Variants in PDZD2 observed in about 807,000 individuals in gnomAD.
The protein encoded by PDZD2 is PDZ domain containing 2.
In PDZD2, 90 loss-of-function variants were observed where a neutral mutation model predicts 220.7. That is an observed-to-expected ratio of 0.41 (90% CI 0.34 to 0.49). The LOEUF is 0.49. Ranked by LOEUF, PDZD2 falls within the 20% of genes least tolerant of loss-of-function variation. The pLI, the probability that PDZD2 is intolerant of heterozygous loss-of-function variation, is 0.28. For synonymous variants in PDZD2, 1,375 were observed against 1,450.5 expected (o/e 0.95, Z 1.18); for missense variants, 3,174 against 3,608.5 (o/e 0.88, Z 3.08).
intron 6 of PDZD2, among the ~76,000 whole-genome samples, chr5:32,017,741 T>C (rs1753886813): frequency 6.6e-6 from 1 of 152,228 alleles, no homozygotes; most frequent in Non-Finnish European, 1.5e-5. Context: ...ATTTAGGACT[T>C]GGTTTTTTAA....
intron 1 of PDZD2, among the ~76,000 whole-genome samples, chr5:31,670,325 T>C (rs903860208): frequency 6.6e-6 from 1 of 152,228 alleles, no homozygotes; most frequent in African/African-American, 2.4e-5. Context: ...CTTCCACAAA[T>C]ACTTTTGGTG....
chr5:32,098,087 G>A lies in PDZD2; in HGVS notation c.7948-277G>A, dbSNP rs997548695. On this transcript the variant is annotated intron_variant, in intron 22 of 24. Coordinates refer to ENST00000438447, the MANE Select transcript of PDZD2 (RefSeq NM_178140.4). The surrounding 1 kb of genome is among the most constrained non-coding windows in gnomAD (Gnocchi z 4.1). ...TGGCCAACATGGTGAAACCCTGTCC[G>A]TCTCTCCTAACAATACAAAAATTAA... Among the ~76,000 whole-genome samples the A allele has an allele frequency of 8.6e-5, 13 of 151,960 alleles. No homozygotes were observed. Among genetic ancestry groups the A allele is most frequent in the Admixed American group, 2.0e-4 (3 of 15,248 alleles).
rs151113779 is a variant in PDZD2 at position 31,662,936 on chromosome 5, C to T, written c.-361+23499C>T. 6.6e-3 allele frequency among the ~76,000 whole-genome samples: 998 copies of T among 152,244 alleles called. 13 individuals carry two copies. Among genetic ancestry groups the T allele is most frequent in the Middle Eastern group, 0.024 (7 of 294 alleles). Reference sequence around the variant, plus strand: ...TGAGCCACCTCACCTGGCCAAGGCCCCACCTTCTAATGCTATCACTATGGA... The same window carrying T: ...TGAGCCACCTCACCTGGCCAAGGCCTCACCTTCTAATGCTATCACTATGGA... On this transcript the variant is annotated intron_variant, in intron 1 of 24. Coordinates refer to ENST00000438447, the MANE Select transcript of PDZD2 (RefSeq NM_178140.4).
chr5:31,951,630 A>C (rs1747192075), intron 2 of PDZD2, among the ~76,000 whole-genome samples: 1 of 152,246 alleles, frequency 6.6e-6, no homozygotes, highest in Admixed American at 6.5e-5. Flanking sequence ...TAATTGCTGA[A>C]TAGTATTCCT....
At position 32,088,043 on chromosome 5, in the gene PDZD2, A is replaced by G. The variant is rs749713626; in HGVS notation, c.4595A>G (p.Glu1532Gly). The G allele has an allele frequency of 6.2e-7, 1 of 1,614,148 alleles. No homozygotes were observed. Residue 1532 changes from glutamate (E) to glycine (G), a missense_variant, in exon 20 of 25, where the codon GAA (glutamate) becomes GGA (glycine). Coordinates refer to ENST00000438447, the MANE Select transcript of PDZD2 (RefSeq NM_178140.4). The surrounding 1 kb of genome is among the most constrained non-coding windows in gnomAD (Gnocchi z 4.6). ...NYSRNFSSFH[E>G]DSTSLSGLGD... ...TCTAGAAATTTTAGCAGTTTTCATG[A>G]AGACAGCACCTCCCTATCAGGCCTG...
intron 24 of PDZD2, among the ~76,000 whole-genome samples, chr5:32,105,053 G>T (rs1744626734): frequency 6.6e-6 from 1 of 152,046 alleles, no homozygotes; most frequent in African/African-American, 2.4e-5. Flanking sequence ...AGAATCATTT[G>T]AGCCCAGGAG....
chr5:31,898,171 T>C (rs1466982223), intron 2 of PDZD2, among the ~76,000 whole-genome samples: 1 of 152,200 alleles, frequency 6.6e-6, no homozygotes, highest in Non-Finnish European at 1.5e-5. Flanking sequence ...AAGTACAGAG[T>C]ATGGTCGGAT....
At chr5:31,798,399 A>T (rs986783955) in intron 1 of PDZD2, among the ~76,000 whole-genome samples, 4 of 152,142 alleles carry the variant, frequency 2.6e-5, no homozygotes, top group African/African-American at 9.7e-5. Flanking sequence ...CATGGTGTTG[A>T]TCGGATCTTT....
At chr5:31,802,504 T>A (rs905306148) in intron 2 of PDZD2, among the ~76,000 whole-genome samples, 7 of 152,266 alleles carry the variant, frequency 4.6e-5, no homozygotes, top group Non-Finnish European at 1.0e-4. Flanking sequence ...TAGCTGAAGC[T>A]GAGGAGCTTA....
At position 32,108,854 on chromosome 5, in the gene PDZD2, T is replaced by TAAGC. The variant is rs1276119176; in HGVS notation, c.*720_*723dup. The stretch of plus-strand genomic sequence containing the variant: ...TTGATCATTTTCTATCTCAAAAGTG[T>TAAGC]AAGCCATAAGGCTGTTTTACAGAAT... On this transcript the variant is annotated 3_prime_UTR_variant, in exon 25 of 25. Coordinates refer to ENST00000438447, the MANE Select transcript of PDZD2 (RefSeq NM_178140.4). 9.8e-5 allele frequency: 15 copies of TAAGC among 152,796 alleles called. No individual in the cohort carries two copies. The highest frequency in any genetic ancestry group is 2.9e-4 in the African/African-American group (12 of 41,590). The allele number at this position is 152,796 out of a possible 1,614,324, so 9.5% of individuals were successfully genotyped here. A position where few individuals can be genotyped will look rare whatever the true frequency, so the allele number is the denominator to read the frequency against.
intron 6 of PDZD2, among the ~76,000 whole-genome samples, chr5:32,013,488 A>G (rs1367040906): frequency 1.3e-5 from 2 of 152,032 alleles, no homozygotes; most frequent in African/African-American, 2.4e-5. Flanking sequence ...TTAATCACAC[A>G]TTGTTTTATG....
intron 2 of PDZD2, among the ~76,000 whole-genome samples, chr5:31,831,900 T>G (rs1287487168): frequency 2.0e-5 from 2 of 100,550 alleles, no homozygotes; most frequent in Admixed American, 1.5e-4. Context: ...GGTGACAGAG[T>G]GAGACTGTTT....
chr5:32,089,088 G>A lies in PDZD2; in HGVS notation c.5640G>A (p.Lys1880=). ...EMLLTNGQKA[K]CGPKLKRLSL... ...TTCTGACTAATGGTCAGAAGGCAAA[G>A]TGTGGTCCGAAGCTGAAGAGGCTCA... is the stretch of plus-strand genomic sequence containing the variant. The change falls in exon 20 of 25, where the codon AAG becomes AAA. Residue 1880 remains lysine (K), a synonymous_variant. Coordinates refer to ENST00000438447, the MANE Select transcript of PDZD2 (RefSeq NM_178140.4). The A allele has an allele frequency of 6.2e-7, 1 of 1,614,080 alleles. No homozygotes were observed. The highest frequency in any genetic ancestry group is 2.2e-5 in the East Asian group (1 of 44,882).
At chr5:31,907,180 C>T (rs1417124461) in intron 2 of PDZD2, among the ~76,000 whole-genome samples, 1 of 152,184 alleles carries the variant, frequency 6.6e-6, no homozygotes, top group Non-Finnish European at 1.5e-5. Context: ...TACTGCATGG[C>T]TGAAATGATA....
At chr5:31,879,260 G>GC (rs1201620518) in intron 2 of PDZD2, among the ~76,000 whole-genome samples, 3 of 151,888 alleles carry the variant, frequency 2.0e-5, no homozygotes, top group African/African-American at 7.3e-5. Context: ...GGTGGCGGGC[G>GC]CCTGTAGTCC....
chr5:31,867,238 A>T (rs1460683643), intron 2 of PDZD2, among the ~76,000 whole-genome samples: 1 of 152,224 alleles, frequency 6.6e-6, no homozygotes, highest in Non-Finnish European at 1.5e-5. Context: ...ACCTAATGGG[A>T]TGCAGACAGC....
At chr5:31,897,544 ATC>A (rs926632586) in intron 2 of PDZD2, among the ~76,000 whole-genome samples, 10 of 152,162 alleles carry the variant, frequency 6.6e-5, no homozygotes, top group African/African-American at 2.4e-4. Context: ...CTGGAGTTGA[ATC>A]TCTCTGTCCC....
chr5:31,873,554 T>C lies in PDZD2; in HGVS notation c.476+73830T>C, dbSNP rs980955904. On this transcript the variant is annotated intron_variant, in intron 2 of 24. Coordinates refer to ENST00000438447, the MANE Select transcript of PDZD2 (RefSeq NM_178140.4). Reference sequence around the variant, plus strand: ...TTCTTTTTATTTATTTATTTATTTATTTATTTATTTATTTATTTATTTATT... The same window carrying C: ...TTCTTTTTATTTATTTATTTATTTACTTATTTATTTATTTATTTATTTATT... Among the ~76,000 whole-genome samples, 638 of 150,090 alleles carry C rather than the reference T, an allele frequency of 4.3e-3. 3 individuals carry two copies. Among genetic ancestry groups the C allele is most frequent in the African/African-American group, 0.015 (626 of 41,118 alleles).
chr5:31,674,860 C>T (rs1580547989), intron 1 of PDZD2, among the ~76,000 whole-genome samples: 3 of 151,982 alleles, frequency 2.0e-5, no homozygotes, highest in African/African-American at 7.3e-5. Flanking sequence ...GTTGTTGCCT[C>T]GGTGTTACAA....
Sources: gnomAD v4.1 joint callset for allele counts (sites outside exome capture counted in the v4.1 genomes callset) on GRCh38, gnomAD v4.1.1 for gene constraint, Gnocchi (gnomAD v3.1) non-coding constraint, MANE v1.5 for transcripts, NCBI Gene and HGNC (gene_info 2026-07-23, HGNC 2026-07-21) for gene names.